The following GPR83 variants were observed in gnomAD, a reference collection of about 807,000 sequenced individuals.
The protein encoded by GPR83 is G-protein coupled receptor 72.
In GPR83, 23 loss-of-function variants were observed where a neutral mutation model predicts 28.0. The ratio of observed to expected loss-of-function variants is 0.82; its 90% CI spans 0.59 to 1.16. The LOEUF is 1.16. Ranked by LOEUF, GPR83 falls within the 50% of genes most tolerant of loss-of-function variation. The pLI is 0.00. For missense variants in GPR83, 610 were observed against 536.6 expected, an observed-to-expected ratio of 1.14 and a Z score of -1.35; for synonymous variants, 234 against 215.4, an observed-to-expected ratio of 1.09 and a Z score of -0.76.
At chr11:94,393,405 G>C in intron 3 of GPR83, 80 bp downstream of exon 3, 1 of 1,331,646 alleles carries the variant, frequency 7.5e-7, no homozygotes. Context: ...GAGCTCCTGG[G>C]GGCCTCAGGT....
intron 3 of GPR83, among the ~76,000 whole-genome samples, chr11:94,384,426 C>G (rs984200433): frequency 2.0e-5 from 3 of 152,178 alleles, no homozygotes; most frequent in African/African-American, 7.2e-5. Context: ...ACGCAGAAGA[C>G]AAATGATTTC....
chr11:94,380,467 C>T lies in GPR83; in HGVS notation c.954G>A (p.Lys318=). The change falls in exon 4 of 4, where the codon AAG becomes AAA. Residue 318 remains lysine, a synonymous_variant. Transcript: ENST00000243673. ...AGAGGGCATTGTTGGTGCGGATGAC[C>T]TTGCTGGACAGGAGGAGGACGTAGC... ...LNCYVLLLSS[K]VIRTNNALYF... The T allele has an allele frequency of 6.2e-7, 1 of 1,614,190 alleles. No homozygotes were observed. The highest frequency in any genetic ancestry group is 8.5e-7 in the Non-Finnish European group (1 of 1,180,012).
intron 1 of GPR83, among the ~76,000 whole-genome samples, chr11:94,397,223 T>C (rs2134696793): frequency 6.6e-6 from 1 of 152,128 alleles, no homozygotes; most frequent in South Asian, 2.1e-4. Flanking sequence ...TGTAGGGCCC[T>C]AGAAGCAGGC....
chr11:94,389,408 T>A (rs1396377588), intron 3 of GPR83, among the ~76,000 whole-genome samples: 3 of 151,992 alleles, frequency 2.0e-5, no homozygotes, highest in East Asian at 1.9e-4. Flanking sequence ...TGGGAGAAAA[T>A]TTTTGCAATC....
chr11:94,382,759 C>T (rs1219729953), intron 3 of GPR83, among the ~76,000 whole-genome samples: 3 of 152,162 alleles, frequency 2.0e-5, no homozygotes, highest in Non-Finnish European at 2.9e-5. Context: ...CACACTTATT[C>T]TAAAATTGAC....
At chr11:94,383,156 A>C (rs1944711503) in intron 3 of GPR83, among the ~76,000 whole-genome samples, 1 of 151,742 alleles carries the variant, frequency 6.6e-6, no homozygotes, top group African/African-American at 2.4e-5. Flanking sequence ...GTCTCAAACA[A>C]AAAAAGAAAA....
intron 1 of GPR83, among the ~76,000 whole-genome samples, chr11:94,399,849 T>C (rs1288378490): frequency 6.6e-6 from 1 of 152,110 alleles, no homozygotes; most frequent in African/African-American, 2.4e-5. Context: ...CAGTCCCAAA[T>C]CATCCATGAG....
Position 94,379,898 on chromosome 11 carries a change from A to T in GPR83, c.*251T>A. 1 of 339,252 alleles carries T rather than the reference A, an allele frequency of 2.9e-6. No individual in the cohort carries two copies. The highest frequency in any genetic ancestry group is 5.4e-6 in the Non-Finnish European group (1 of 186,782). 21.0% of individuals were successfully genotyped at this position (339,252 alleles called of 1,614,324 possible). A position where few individuals can be genotyped will look rare whatever the true frequency, so the allele number is the denominator to read the frequency against. ...AACGTTGTCCTCGCTCCTCTTCCTCAGAGATACAGGCTGCTGTGCCTCCCA... is the reference window on the plus strand; with the variant it reads ...AACGTTGTCCTCGCTCCTCTTCCTCTGAGATACAGGCTGCTGTGCCTCCCA... On this transcript the variant is annotated 3_prime_UTR_variant, in exon 4 of 4. Transcript: ENST00000243673.
intron 1 of GPR83, 146 bp downstream of exon 1, chr11:94,400,715 G>A: frequency 1.5e-6 from 1 of 665,768 alleles, no homozygotes; most frequent in Non-Finnish European, 2.6e-6. Flanking sequence ...AGAGGCAGAG[G>A]AGAGGAGAAA....
At chr11:94,384,944 C>T (rs1408106467) in intron 3 of GPR83, among the ~76,000 whole-genome samples, 1 of 152,186 alleles carries the variant, frequency 6.6e-6, no homozygotes, top group African/African-American at 2.4e-5. Flanking sequence ...GGGAGGCAAC[C>T]CCCAGGAGGG....
rs775714430 is a variant in GPR83, at chr11:94,393,496, G to C, written c.636C>G (p.Thr212=). 1 of 1,613,912 alleles carries C rather than the reference G, an allele frequency of 6.2e-7. No homozygotes were observed. The highest frequency in any genetic ancestry group is 1.3e-5 in the African/African-American group (1 of 74,904). The stretch of plus-strand genomic sequence containing the variant: ...CGAATTCATCTCACCTGTATTTGAA[G>C]GTAAATAATTTCTGGCAGATAGCAT... ...LPHAICQKLF[T]FKYSEDIVRS... is the part of the protein sequence containing the mutation. The change falls in exon 3 of 4, where the codon ACC becomes ACG. Residue 212 remains threonine (T), a synonymous_variant. Coordinates refer to ENST00000243673, the MANE Select transcript of GPR83 (RefSeq NM_016540.4).
chr11:94,380,205 G>A lies in GPR83; in HGVS notation c.1216C>T (p.Leu406Phe). The change falls in exon 4 of 4, where the codon CTC becomes TTC. Residue 406 changes from leucine to phenylalanine, a missense_variant. Leu to Phe is a conservative substitution (Grantham distance 22). Transcript: ENST00000243673. ...GACAGGTCTGTCTTCCCAGACTGGAGTTGGGAGGTGGGCAGGAGGTTATTG... is the reference window on the plus strand; with the variant it reads ...GACAGGTCTGTCTTCCCAGACTGGAATTGGGAGGTGGGCAGGAGGTTATTG... ...LANNLLPTSQLQSGKTDLSSV... is the reference protein window; with the variant it reads ...LANNLLPTSQFQSGKTDLSSV... The A allele has an allele frequency of 6.6e-7, 1 of 1,521,372 alleles. No homozygotes were observed. Among genetic ancestry groups the A allele is most frequent in the East Asian group, 2.3e-5 (1 of 44,120 alleles). 94.2% of individuals were successfully genotyped at this position (1,521,372 alleles called of 1,614,324 possible). A position where few individuals can be genotyped will look rare whatever the true frequency, so the allele number is the denominator to read the frequency against.
rs1944838519 is a variant in GPR83, at chr11:94,393,563, A to T, written c.569T>A (p.Ile190Asn). Residue 190 changes from isoleucine (I) to asparagine (N), a missense_variant, in exon 3 of 4, where the codon ATC becomes AAC. Transcript: ENST00000243673. Reference protein sequence around the residue: ...RISITKGVIYIAVIWTMATFF... With the variant: ...RISITKGVIYNAVIWTMATFF... ...CGTAGCCATGGTCCAGATGACAGCG[A>T]TGTAGATGACACCCTTTGTGATTGA... The T allele has an allele frequency of 1.2e-6, 2 of 1,613,706 alleles. No homozygotes were observed. The highest frequency in any genetic ancestry group is 1.3e-5 in the African/African-American group (1 of 74,920).
In GPR83 at chr11:94,401,204, C is replaced by A; in HGVS notation, c.44G>T (p.Arg15Leu). 1 of 1,612,588 alleles carries A rather than the reference C, an allele frequency of 6.2e-7. No individual in the cohort carries two copies. Among genetic ancestry groups the A allele is most frequent in the Non-Finnish European group, 8.5e-7 (1 of 1,179,546 alleles). ...LLLLCLLPLV[R>L]ATEPHEGRAD... The stretch of plus-strand genomic sequence containing the variant: ...CCGGCCCTCGTGGGGCTCGGTGGCT[C>A]GCACCAAGGGGAGGAGACAGAGCAG... The change falls in exon 1 of 4, where the codon CGA (arginine) becomes CTA (leucine). Residue 15 changes from arginine to leucine, a missense_variant. Transcript: ENST00000243673.
At chr11:94,390,483 C>T in intron 3 of GPR83, among the ~76,000 whole-genome samples, 1 of 152,124 alleles carries the variant, frequency 6.6e-6, no homozygotes, top group Non-Finnish European at 1.5e-5. Context: ...GGCAATCAGG[C>T]AGGAGAAAGA....
In GPR83 at chr11:94,380,158, C is replaced by A. The variant is rs149389877; in HGVS notation, c.1263G>T (p.Thr421=). 1 of 1,512,012 alleles carries A rather than the reference C, an allele frequency of 6.6e-7. No individual in the cohort carries two copies. The allele number at this position is 1,512,012 out of a possible 1,614,324, so 93.7% of individuals were successfully genotyped here. A position where few individuals can be genotyped will look rare whatever the true frequency, so the allele number is the denominator to read the frequency against. Residue 421 remains threonine, a synonymous_variant, in exon 4 of 4, where the codon ACG becomes ACT. Transcript: ENST00000243673. ...TDLSSVEPIV[T]MS The stretch of plus-strand genomic sequence containing the variant: ...CTCTTCCCAACCTCTTCTAACTCAT[C>A]GTCACAATGGGTTCCACAGATGACA...
At chr11:94,389,853 A>C (rs1944797823) in intron 3 of GPR83, among the ~76,000 whole-genome samples, 1 of 152,222 alleles carries the variant, frequency 6.6e-6, no homozygotes, top group Non-Finnish European at 1.5e-5. Context: ...TCCTGCTGCT[A>C]TAAAGACACA....
chr11:94,399,721 T>C (rs748939103), intron 1 of GPR83, among the ~76,000 whole-genome samples: 6 of 152,224 alleles, frequency 3.9e-5, no homozygotes, highest in Non-Finnish European at 7.3e-5. Context: ...GAGGGATTAA[T>C]AGATATTGCT....
Position 94,396,385 on chromosome 11 carries a change from G to C in GPR83, c.513+14C>G, listed in dbSNP as rs1944866448. The C allele has an allele frequency of 6.2e-7, 1 of 1,612,562 alleles. No individual in the cohort carries two copies. Among genetic ancestry groups the C allele is most frequent in the Admixed American group, 1.7e-5 (1 of 60,018 alleles). ...GAGAGGGAAGAGCAGAGCATTAGGG[G>C]TAGGTGCCCTCACCTGGTGGCGATC... On this transcript the variant is annotated intron_variant, in intron 2 of 3. Transcript: ENST00000243673.
Sources: gnomAD v4.1 joint callset for allele counts (sites outside exome capture counted in the v4.1 genomes callset) on GRCh38, gnomAD v4.1.1 for gene constraint, MANE v1.5 for transcripts, NCBI Gene and HGNC (gene_info 2026-07-23, HGNC 2026-07-21) for gene names.